Variants in CFAP61 observed in about 807,000 individuals in gnomAD.
The protein encoded by CFAP61 is cilia and flagella associated protein 61.
CFAP61 carries 107 observed loss-of-function variants against 135.6 expected under a neutral mutation model. The observed-to-expected ratio is 0.79, with a 90% CI of 0.67 to 0.93. The LOEUF is 0.93. CFAP61 is among the 40% of genes least tolerant of loss of function. CFAP61 has a pLI of 0.00. For synonymous variants in CFAP61, 575 were observed against 578.5 expected (o/e 0.99, Z 0.09); for missense variants, 1,507 against 1,556.2 (o/e 0.97, Z 0.53).
At chr20:20,195,431 C>G (rs2056215648) in intron 15 of CFAP61, among the ~76,000 whole-genome samples, 1 of 152,222 alleles carries the variant, frequency 6.6e-6, no homozygotes, top group South Asian at 2.1e-4. Context: ...GCGTTTACTG[C>G]TGCTGTCATC....
chr20:20,251,834 G>A, intron 20 of CFAP61, 71 bp downstream of exon 20: 3 of 1,460,102 alleles, frequency 2.1e-6, no homozygotes, highest in Non-Finnish European at 2.8e-6. Flanking sequence ...TATGTTTACT[G>A]GGGCACACAC....
chr20:20,269,037 C>G (rs533054739), intron 21 of CFAP61, among the ~76,000 whole-genome samples: 20 of 149,804 alleles, frequency 1.3e-4, no homozygotes, highest in Admixed American at 2.7e-4. Context: ...CAGAACGGGA[C>G]AGGTCACGTT....
At position 20,058,951 on chromosome 20, in the gene CFAP61, C is replaced by T. The variant is rs560418360; in HGVS notation, c.143+2155C>T. Reference sequence around the variant, plus strand: ...AGAAATTATATAGGATAATCAACTCCCAAAGACTTCAGATATAAAATTAAA... The same window carrying T: ...AGAAATTATATAGGATAATCAACTCTCAAAGACTTCAGATATAAAATTAAA... On this transcript the variant is annotated intron_variant, in intron 2 of 26. Transcript: ENST00000245957. Among the ~76,000 whole-genome samples, 30 of 152,030 alleles carry T rather than the reference C, an allele frequency of 2.0e-4. 1 individual carries two copies. The South Asian group carries it at 6.0e-3, about 31-fold the overall frequency.
intron 22 of CFAP61, among the ~76,000 whole-genome samples, chr20:20,280,110 C>G (rs8124454): frequency 0.039 from 5,873 of 152,016 alleles, 406 homozygotes; most frequent in African/African-American, 0.13. Flanking sequence ...AAGCCTTTGT[C>G]GATGTAAGCA....
chr20:20,199,619 G>A (rs1227617915), intron 16 of CFAP61, 149 bp from the exon 17 acceptor site: 4 of 722,096 alleles, frequency 5.5e-6, no homozygotes, highest in Non-Finnish European at 9.1e-6. Flanking sequence ...TCCTCTGCTC[G>A]AAGAGTATGT....
intron 20 of CFAP61, among the ~76,000 whole-genome samples, chr20:20,256,966 G>A (rs1328805996): frequency 6.6e-6 from 1 of 152,142 alleles, no homozygotes; most frequent in Non-Finnish European, 1.5e-5. Context: ...TGCCATTTCA[G>A]GGGCTGGGTG....
chr20:20,325,375 T>C (rs2057705564), intron 25 of CFAP61, among the ~76,000 whole-genome samples: 1 of 152,254 alleles, frequency 6.6e-6, no homozygotes, highest in Admixed American at 6.5e-5. Flanking sequence ...TCCTCTGTGC[T>C]GTGCCTACTC....
At chr20:20,177,483 A>G (rs1198102981) in intron 13 of CFAP61, among the ~76,000 whole-genome samples, 1 of 151,328 alleles carries the variant, frequency 6.6e-6, no homozygotes, top group Non-Finnish European at 1.5e-5. Flanking sequence ...CACATTGACA[A>G]AATGGCCACT....
At chr20:20,180,076 A>G (rs2054937034) in intron 13 of CFAP61, among the ~76,000 whole-genome samples, 1 of 152,246 alleles carries the variant, frequency 6.6e-6, no homozygotes, top group African/African-American at 2.4e-5. Flanking sequence ...CACAGAGTGA[A>G]CAGACAACCT....
At chr20:20,196,507 C>T in intron 15 of CFAP61, 63 bp from the exon 16 acceptor site, 1 of 1,237,120 alleles carries the variant, frequency 8.1e-7, no homozygotes, top group Non-Finnish European at 1.2e-6. Flanking sequence ...AGATATTTAT[C>T]ACAAAATGCA....
intron 21 of CFAP61, among the ~76,000 whole-genome samples, chr20:20,269,301 C>T (rs1947997289): frequency 6.7e-6 from 1 of 148,814 alleles, no homozygotes; most frequent in Non-Finnish European, 1.5e-5. Flanking sequence ...GGTAAATATG[C>T]ATAGACATAA....
intron 2 of CFAP61, among the ~76,000 whole-genome samples, chr20:20,064,872 A>G (rs2045121666): frequency 6.6e-6 from 1 of 152,176 alleles, no homozygotes; most frequent in South Asian, 2.1e-4. Flanking sequence ...TGGGAAAGCA[A>G]AGGTTCAGGG....
At chr20:20,071,150 A>G in intron 3 of CFAP61, 146 bp downstream of exon 3, 2 of 832,748 alleles carry the variant, frequency 2.4e-6, no homozygotes, top group Non-Finnish European at 3.6e-6. Context: ...GGGGAGGAAA[A>G]GAGGGCTGAG....
intron 3 of CFAP61, chr20:20,073,981 G>A: frequency 3.2e-6 from 1 of 315,824 alleles, no homozygotes; most frequent in Non-Finnish European, 6.0e-6. Context: ...CAAGACTACT[G>A]AGTTAATAAT....
chr20:20,210,616 A>T (rs984440510), intron 17 of CFAP61, among the ~76,000 whole-genome samples: 7 of 152,212 alleles, frequency 4.6e-5, no homozygotes, highest in Admixed American at 1.3e-4. Flanking sequence ...GACAGCAGCG[A>T]CAGACACATG....
At chr20:20,289,538 C>T (rs1241009878) in intron 23 of CFAP61, among the ~76,000 whole-genome samples, 1 of 152,146 alleles carries the variant, frequency 6.6e-6, no homozygotes, top group Non-Finnish European at 1.5e-5. Flanking sequence ...CACATATTTA[C>T]AAAATTACGT....
At chr20:20,284,743 G>T (rs1229244263) in intron 22 of CFAP61, among the ~76,000 whole-genome samples, 1 of 152,110 alleles carries the variant, frequency 6.6e-6, no homozygotes, top group African/African-American at 2.4e-5. Flanking sequence ...CCATATTCTG[G>T]ATGTCTATTT....
rs1001700386 is a variant in CFAP61 at position 20,099,582 on chromosome 20, G to C, written c.859+768G>C. Among the ~76,000 whole-genome samples, 11 of 152,210 alleles carry C rather than the reference G, an allele frequency of 7.2e-5. No individual in the cohort carries two copies. The South Asian group carries it at 2.1e-3, about 29-fold the overall frequency. ...ATAATAGTAATACCTCCCACACGGG[G>C]GGGGGGTTGTGAAGTTTCACTGAGA... On this transcript the variant is annotated intron_variant, in intron 8 of 26. Transcript: ENST00000245957.
intron 15 of CFAP61, among the ~76,000 whole-genome samples, chr20:20,194,543 CTTTT>C (rs1026947774): frequency 2.6e-5 from 4 of 152,094 alleles, no homozygotes; most frequent in Admixed American, 2.6e-4. Context: ...CTATGCTGGT[CTTTT>C]TTTATTTGTC....
Sources: allele counts gnomAD v4.1 joint callset (sites outside exome capture counted in the v4.1 genomes callset), GRCh38; gene constraint gnomAD v4.1.1; transcripts MANE v1.5; gene names NCBI Gene and HGNC (gene_info 2026-07-23, HGNC 2026-07-21).